The following NKAIN2 variants were observed in gnomAD, a reference collection of about 807,000 sequenced individuals.
NKAIN2 encodes sodium/potassium transporting ATPase interacting 2, also known as sodium/potassium-transporting ATPase subunit beta-1-interacting protein 2.
In NKAIN2, 14 loss-of-function variants were observed where a neutral mutation model predicts 32.6. The ratio of observed to expected loss-of-function variants is 0.43; its 90% CI spans 0.28 to 0.67. The LOEUF is 0.67. NKAIN2 is among the 30% of genes least tolerant of loss of function. NKAIN2 has a pLI of 0.17. For missense variants in NKAIN2, 198 were observed against 258.3 expected (o/e 0.77, Z 1.60); for synonymous variants, 80 against 87.2 (o/e 0.92, Z 0.46).
chr6:124,433,938 A>G (rs1043280217), intron 3 of NKAIN2, among the ~76,000 whole-genome samples: 1 of 152,136 alleles, frequency 6.6e-6, no homozygotes, highest in Non-Finnish European at 1.5e-5. Flanking sequence ...CTGTGCATGC[A>G]GTGCACTAAT....
At chr6:124,128,995 G>T (rs1405077417) in intron 1 of NKAIN2, among the ~76,000 whole-genome samples, 2 of 152,168 alleles carry the variant, frequency 1.3e-5, no homozygotes, top group African/African-American at 2.4e-5. Context: ...TGAGGCCTGA[G>T]AATTTGAATA....
At chr6:124,053,031 T>A (rs149638182) in intron 1 of NKAIN2, among the ~76,000 whole-genome samples, 33 of 152,106 alleles carry the variant, frequency 2.2e-4, no homozygotes, top group African/African-American at 7.2e-4. Context: ...AGGAAGAAGT[T>A]AAATGGCTAA....
chr6:124,283,002 T>C lies in NKAIN2; in HGVS notation c.55-3T>C. 6.2e-7 allele frequency: 1 copy of C among 1,613,802 alleles called. No homozygotes were observed. The highest frequency in any genetic ancestry group is 8.5e-7 in the Non-Finnish European group (1 of 1,179,754). On this transcript the variant is annotated splice_polypyrimidine_tract_variant and splice_region_variant and intron_variant, in intron 1 of 6. Transcript: ENST00000368417. ...ATCTGTCCATCCTGTTTTGCTATTC[T>C]AGGTTTGTGTGCTGGAGAGGCAAAT...
chr6:124,803,146 C>G lies in NKAIN2; in HGVS notation c.535+11747C>G, dbSNP rs145358774. On this transcript the variant is annotated intron_variant, in intron 5 of 6. Transcript: ENST00000368417. The stretch of plus-strand genomic sequence containing the variant: ...CAAAGTGGCACTCTGGCCAGAGGAC[C>G]TGTTCCACACCTTTCCAGGATCCTT... Among the ~76,000 whole-genome samples the G allele has an allele frequency of 1.6e-3, 242 of 152,322 alleles. 2 individuals carry two copies. The highest frequency in any genetic ancestry group is 5.5e-3 in the African/African-American group (229 of 41,582).
chr6:124,373,396 G>T (rs536117574), intron 3 of NKAIN2, among the ~76,000 whole-genome samples: 5 of 152,154 alleles, frequency 3.3e-5, no homozygotes, highest in African/African-American at 1.2e-4. Context: ...ATCAAGTCTT[G>T]GTTGCCCATT....
intron 4 of NKAIN2, among the ~76,000 whole-genome samples, chr6:124,790,629 T>C (rs1035225967): frequency 2.0e-5 from 3 of 152,022 alleles, no homozygotes; most frequent in Admixed American, 1.3e-4. Context: ...ATTGTACTAA[T>C]AGGAAGGAAT....
At chr6:124,496,679 A>G (rs532370287) in intron 3 of NKAIN2, among the ~76,000 whole-genome samples, 4 of 152,274 alleles carry the variant, frequency 2.6e-5, no homozygotes, top group Non-Finnish European at 4.4e-5. Flanking sequence ...CTATAGCAAC[A>G]CATCACGGAG....
At chr6:124,119,130 G>T (rs1277245904) in intron 1 of NKAIN2, among the ~76,000 whole-genome samples, 3 of 151,984 alleles carry the variant, frequency 2.0e-5, no homozygotes, top group African/African-American at 7.3e-5. Context: ...ACCATGTAAG[G>T]GTACTATATG....
intron 4 of NKAIN2, among the ~76,000 whole-genome samples, chr6:124,776,910 C>G (rs1432745530): frequency 6.6e-6 from 1 of 151,990 alleles, no homozygotes; most frequent in Non-Finnish European, 1.5e-5. Flanking sequence ...TGCTGAGTGT[C>G]TATATTCATC....
chr6:123,977,215 G>A (rs1288103887), intron 1 of NKAIN2, among the ~76,000 whole-genome samples: 2 of 152,096 alleles, frequency 1.3e-5, no homozygotes, highest in Non-Finnish European at 2.9e-5. Flanking sequence ...AACATTAACA[G>A]TAATATTGAC....
intron 3 of NKAIN2, among the ~76,000 whole-genome samples, chr6:124,519,652 G>A (rs763138519): frequency 1.3e-5 from 2 of 152,060 alleles, no homozygotes; most frequent in African/African-American, 2.4e-5. Context: ...ATTAAATTAA[G>A]GATGGCTACA....
At chr6:124,344,809 C>T (rs373566566) in intron 2 of NKAIN2, among the ~76,000 whole-genome samples, 103 of 152,194 alleles carry the variant, frequency 6.8e-4, no homozygotes, top group African/African-American at 2.3e-3. Flanking sequence ...CTTTTCCTAA[C>T]TGAATACCCT....
intron 1 of NKAIN2, among the ~76,000 whole-genome samples, chr6:124,154,898 A>G (rs1787905710): frequency 6.6e-6 from 1 of 152,118 alleles, no homozygotes; most frequent in Non-Finnish European, 1.5e-5. Flanking sequence ...GTAGACATAA[A>G]AGTATTAATT....
chr6:124,792,291 T>C (rs1027605651), intron 5 of NKAIN2, among the ~76,000 whole-genome samples: 4 of 152,090 alleles, frequency 2.6e-5, no homozygotes, highest in African/African-American at 9.7e-5. Context: ...CATCCAAAGA[T>C]AAATATCTGT....
intron 3 of NKAIN2, among the ~76,000 whole-genome samples, chr6:124,619,987 A>G (rs999510541): frequency 9.9e-5 from 15 of 152,148 alleles, no homozygotes; most frequent in South Asian, 4.1e-4. Context: ...AGTGCCTGGT[A>G]CCTATCAGGT....
At chr6:124,167,059 T>C (rs1189055203) in intron 1 of NKAIN2, among the ~76,000 whole-genome samples, 1 of 146,306 alleles carries the variant, frequency 6.8e-6, no homozygotes, top group African/African-American at 2.5e-5. Context: ...GTGAAGAAAG[T>C]CATTGGTAGC....
chr6:124,237,988 CA>C (rs1281748943), intron 1 of NKAIN2, among the ~76,000 whole-genome samples: 14 of 151,990 alleles, frequency 9.2e-5, no homozygotes, highest in African/African-American at 3.1e-4. Flanking sequence ...ATGTATAGCA[CA>C]AGAGAACTAA....
At chr6:124,313,233 T>G (rs755760417) in intron 2 of NKAIN2, among the ~76,000 whole-genome samples, 1 of 152,138 alleles carries the variant, frequency 6.6e-6, no homozygotes, top group Non-Finnish European at 1.5e-5. Flanking sequence ...TCCAATAAAG[T>G]AGGTTAAGAT....
intron 1 of NKAIN2, among the ~76,000 whole-genome samples, chr6:123,820,209 G>T (rs935580430): frequency 2.0e-5 from 3 of 152,106 alleles, no homozygotes; most frequent in Non-Finnish European, 4.4e-5. Flanking sequence ...GGACAAAAAG[G>T]GTGTGGCCAA....
Sources: gnomAD v4.1 joint callset for allele counts (sites outside exome capture counted in the v4.1 genomes callset) on GRCh38, gnomAD v4.1.1 for gene constraint, MANE v1.5 for transcripts, NCBI Gene and HGNC (gene_info 2026-07-23, HGNC 2026-07-21) for gene names.